Variants in ASCC3 observed in about 807,000 individuals in gnomAD.
ASCC3 encodes ASC-1 complex subunit P200.
ASCC3 carries 158 observed loss-of-function variants against 256.3 expected under a neutral mutation model. The observed-to-expected ratio is 0.62, with a 90% CI of 0.54 to 0.70. The LOEUF is 0.70. ASCC3 is among the 30% of genes least tolerant of loss of function. The probability of loss-of-function intolerance (pLI) is 0.00; values close to 1 mark genes in which losing one functional copy is unlikely to be tolerated. For missense variants in ASCC3, 2,259 were observed against 2,626.0 expected, an observed-to-expected ratio of 0.86 and a Z score of 3.05; for synonymous variants, 948 against 883.4, an observed-to-expected ratio of 1.07 and a Z score of -1.30.
chr6:100,532,399 TATATATA>T (rs1332432773), intron 37 of ASCC3, among the ~76,000 whole-genome samples: 6 of 46,484 alleles, frequency 1.3e-4, no homozygotes, highest in Non-Finnish European at 2.0e-4. Flanking sequence ...TATATATATA[TATATATA>T]TTTTTTTTTT....
At chr6:100,623,981 G>A (rs1774099154) in intron 30 of ASCC3, among the ~76,000 whole-genome samples, 1 of 152,006 alleles carries the variant, frequency 6.6e-6, no homozygotes, top group African/African-American at 2.4e-5. Context: ...TGGGAGGAGG[G>A]GGGAGGGATA....
chr6:100,805,204 G>A (rs1002269169), intron 5 of ASCC3, among the ~76,000 whole-genome samples: 4 of 152,108 alleles, frequency 2.6e-5, no homozygotes, highest in African/African-American at 9.7e-5. Flanking sequence ...ACTATATGAT[G>A]TCCTTTGCAA....
intron 36 of ASCC3, among the ~76,000 whole-genome samples, chr6:100,549,071 T>C (rs1321881801): frequency 6.6e-6 from 1 of 151,884 alleles, no homozygotes; most frequent in East Asian, 1.9e-4. Context: ...CACCTATTTT[T>C]GGATTGTGGT....
chr6:100,729,812 A>G (rs1779816348), intron 10 of ASCC3, among the ~76,000 whole-genome samples: 1 of 152,204 alleles, frequency 6.6e-6, no homozygotes, highest in Non-Finnish European at 1.5e-5. Flanking sequence ...AACATTTAAA[A>G]TTGATTTTGA....
chr6:100,628,613 T>G (rs1294073447), intron 27 of ASCC3, among the ~76,000 whole-genome samples: 1 of 152,118 alleles, frequency 6.6e-6, no homozygotes, highest in Non-Finnish European at 1.5e-5. Flanking sequence ...GCTCTTGCCA[T>G]GTAAGAAGCT....
At chr6:100,791,294 T>C (rs1769339700) in intron 8 of ASCC3, among the ~76,000 whole-genome samples, 1 of 151,854 alleles carries the variant, frequency 6.6e-6, no homozygotes, top group Admixed American at 6.6e-5. Flanking sequence ...TTTCCATAGT[T>C]GCACTCTAAA....
chr6:100,557,558 G>T (rs1346058672), intron 36 of ASCC3, among the ~76,000 whole-genome samples: 1 of 151,754 alleles, frequency 6.6e-6, no homozygotes, highest in Non-Finnish European at 1.5e-5. Flanking sequence ...CATTAGTATA[G>T]CCACTGACTG....
chr6:100,602,521 C>T (rs908639368), intron 33 of ASCC3, among the ~76,000 whole-genome samples: 1 of 151,806 alleles, frequency 6.6e-6, no homozygotes. Context: ...AGAGTAAGAG[C>T]AGGCAACAGA....
chr6:100,686,628 A>C (rs188265268), intron 13 of ASCC3, among the ~76,000 whole-genome samples: 1 of 152,118 alleles, frequency 6.6e-6, no homozygotes, highest in Admixed American at 6.5e-5. Flanking sequence ...TCCTTGTTTG[A>C]TGGGCATTTA....
chr6:100,864,200 T>C lies in ASCC3; in HGVS notation c.105A>G (p.Lys35=). 1 of 1,602,778 alleles carries C rather than the reference T, an allele frequency of 6.2e-7. No homozygotes were observed. The highest frequency in any genetic ancestry group is 8.5e-7 in the Non-Finnish European group (1 of 1,172,616). ...EVADLKIKRS[K]LHEQVLDLGL... ...CCAAATCTAAAACTTGTTCATGAAG[T>C]TTAGATCGCTTTATCTGAAACAGAG... The change falls in exon 3 of 42, where the codon AAA becomes AAG. Residue 35 remains lysine, a synonymous_variant. Coordinates refer to ENST00000369162, the MANE Select transcript of ASCC3 (RefSeq NM_006828.4).
At chr6:100,559,083 G>A (rs1171165761) in intron 36 of ASCC3, among the ~76,000 whole-genome samples, 1 of 152,096 alleles carries the variant, frequency 6.6e-6, no homozygotes, top group Non-Finnish European at 1.5e-5. Flanking sequence ...AACCACAGGA[G>A]AAACTGATTT....
intron 40 of ASCC3, among the ~76,000 whole-genome samples, chr6:100,511,047 T>C (rs538094931): frequency 4.9e-4 from 75 of 152,350 alleles, no homozygotes; most frequent in African/African-American, 1.7e-3. Flanking sequence ...TTTTCCCCCA[T>C]GATTTTATCT....
intron 1 of ASCC3, among the ~76,000 whole-genome samples, chr6:100,869,620 T>C (rs1314817576): frequency 5.3e-5 from 8 of 152,156 alleles, no homozygotes; most frequent in African/African-American, 9.7e-5. Flanking sequence ...AACCCATGCA[T>C]GCTGTCACAG....
At chr6:100,622,782 C>G (rs1260624290) in intron 30 of ASCC3, among the ~76,000 whole-genome samples, 2 of 151,844 alleles carry the variant, frequency 1.3e-5, no homozygotes, top group Non-Finnish European at 2.9e-5. Flanking sequence ...ATAGTTTCTA[C>G]CTAGCCTTGT....
intron 4 of ASCC3, among the ~76,000 whole-genome samples, chr6:100,834,611 A>G (rs1771786792): frequency 6.6e-6 from 1 of 152,240 alleles, no homozygotes; most frequent in Admixed American, 6.5e-5. Flanking sequence ...GGAGATAAGC[A>G]TAGAAGAGAC....
At chr6:100,555,325 C>T (rs1051162909) in intron 36 of ASCC3, among the ~76,000 whole-genome samples, 6 of 152,058 alleles carry the variant, frequency 3.9e-5, no homozygotes, top group African/African-American at 1.4e-4. Context: ...TGTATATTTC[C>T]TTTCAGGGCT....
chr6:100,658,566 A>G (rs1243126572), intron 16 of ASCC3, among the ~76,000 whole-genome samples: 3 of 151,470 alleles, frequency 2.0e-5, no homozygotes, highest in Non-Finnish European at 4.4e-5. Context: ...GAATATCAAC[A>G]GACTATCAGA....
intron 10 of ASCC3, among the ~76,000 whole-genome samples, chr6:100,734,309 T>C (rs1309109213): frequency 1.3e-5 from 2 of 152,300 alleles, no homozygotes; most frequent in East Asian, 1.9e-4. Context: ...ATATAACTAA[T>C]TTATTAAAAT....
intron 36 of ASCC3, among the ~76,000 whole-genome samples, chr6:100,565,738 G>A (rs1770207951): frequency 6.6e-6 from 1 of 152,152 alleles, no homozygotes; most frequent in South Asian, 2.1e-4. Flanking sequence ...CTCAGAAAAT[G>A]CCACTGAAGG....
Sources: gnomAD v4.1 joint callset for allele counts (sites outside exome capture counted in the v4.1 genomes callset) on GRCh38, gnomAD v4.1.1 for gene constraint, MANE v1.5 for transcripts, NCBI Gene and HGNC (gene_info 2026-07-23, HGNC 2026-07-21) for gene names.